RTKN2: variants seen among roughly 807,000 people sequenced by gnomAD.
RTKN2 encodes the protein rhotekin-2.
Under a neutral mutation model 71.5 loss-of-function variants are expected in RTKN2, and 69 were observed. The ratio of observed to expected loss-of-function variants is 0.96; its 90% confidence interval spans 0.79 to 1.18. The LOEUF is 1.18. Among genes scored for constraint, RTKN2 ranks in the 50% most tolerant of loss-of-function variants. The pLI is 0.00. For synonymous variants in RTKN2, 236 were observed against 236.5 expected (o/e 1.00, Z 0.02); for missense variants, 724 against 719.7 (o/e 1.01, Z -0.07).
At chr10:62,246,327 G>A (rs937056505) in intron 2 of RTKN2, among the ~76,000 whole-genome samples, 1 of 151,916 alleles carries the variant, frequency 6.6e-6, no homozygotes, top group Non-Finnish European at 1.5e-5. Flanking sequence ...AAAGACTTTT[G>A]TGATCATTTA....
chr10:62,185,413 C>T (rs966873983), intron 8 of RTKN2, among the ~76,000 whole-genome samples: 1 of 152,030 alleles, frequency 6.6e-6, no homozygotes, highest in East Asian at 1.9e-4. Flanking sequence ...GTCAGGAGTT[C>T]GAGACCAGCC....
intron 1 of RTKN2, among the ~76,000 whole-genome samples, chr10:62,263,349 TG>T (rs1842810823): frequency 1.3e-5 from 2 of 152,254 alleles, no homozygotes. Flanking sequence ...AATCAGAAGC[TG>T]GAAAAGGCAA....
At chr10:62,192,221 T>G (rs1841234385), downstream of RTKN2, among the ~76,000 whole-genome samples, 1 of 152,104 alleles carries the variant, frequency 6.6e-6, no homozygotes, top group Non-Finnish European at 1.5e-5. Context: ...CACTCTTGTG[T>G]GTGTTAAGGG....
intron 2 of RTKN2, among the ~76,000 whole-genome samples, chr10:62,249,385 G>T (rs1249066116): frequency 6.6e-6 from 1 of 151,450 alleles, no homozygotes; most frequent in Non-Finnish European, 1.5e-5. Flanking sequence ...GCGGGGTTGG[G>T]GGGTGGTGGG....
intron 2 of RTKN2, 32 bp from the exon 3 acceptor site, chr10:62,246,089 A>T (rs765965258): frequency 4.4e-6 from 6 of 1,367,840 alleles, no homozygotes; most frequent in East Asian, 4.6e-5. Context: ...TGGAAAAAAG[A>T]TCTTTTCTAA....
In RTKN2 at chr10:62,268,758, GAA is replaced by G; in HGVS notation, c.-150_-149del. 1.3e-6 allele frequency: 1 copy of G among 787,168 alleles called. No individual in the cohort carries two copies. The highest frequency in any genetic ancestry group is 2.0e-6 in the Non-Finnish European group (1 of 505,200). 48.8% of individuals were successfully genotyped at this position (787,168 alleles called of 1,614,324 possible). A position where few individuals can be genotyped will look rare whatever the true frequency, so the allele number is the denominator to read the frequency against. ...CCGGGGGCGCAGGAGGAGCCGGGCC[GAA>G]GCGCACGCGCAGTGGGCGCGCCTTG... is the stretch of plus-strand genomic sequence containing the variant. On this transcript the variant is annotated 5_prime_UTR_variant, in exon 1 of 12. Transcript: ENST00000373789.
At chr10:62,258,087 C>T (rs529335621) in intron 2 of RTKN2, among the ~76,000 whole-genome samples, 1 of 152,258 alleles carries the variant, frequency 6.6e-6, no homozygotes, top group Non-Finnish European at 1.5e-5. Context: ...TGCCAATATT[C>T]TCAGGATTGT....
chr10:62,253,065 C>T (rs1842611561), intron 2 of RTKN2, among the ~76,000 whole-genome samples: 2 of 151,928 alleles, frequency 1.3e-5, no homozygotes, highest in Admixed American at 6.6e-5. Context: ...AAAGGATTTC[C>T]AGATTGGCTT....
At chr10:62,268,491 C>T in intron 1 of RTKN2, 60 bp downstream of exon 1, 2 of 1,468,974 alleles carry the variant, frequency 1.4e-6, no homozygotes, top group Non-Finnish European at 1.9e-6. Flanking sequence ...AAAGCAAATG[C>T]GCGAGGAACA....
At chr10:62,249,675 G>T (rs573301158) in intron 2 of RTKN2, among the ~76,000 whole-genome samples, 2 of 152,228 alleles carry the variant, frequency 1.3e-5, no homozygotes, top group Non-Finnish European at 2.9e-5. Flanking sequence ...TACATAAGTG[G>T]GTTGCTATTA....
chr10:62,253,424 A>G (rs749513151), intron 2 of RTKN2, among the ~76,000 whole-genome samples: 10 of 152,150 alleles, frequency 6.6e-5, no homozygotes, highest in Non-Finnish European at 1.3e-4. Context: ...TCAGTACAAG[A>G]CAGTTCAATG....
intron 7 of RTKN2, among the ~76,000 whole-genome samples, chr10:62,222,923 A>G (rs745553482): frequency 2.6e-5 from 4 of 152,186 alleles, no homozygotes; most frequent in Non-Finnish European, 5.9e-5. Context: ...GGCTTCCTTG[A>G]TTTCAAATTT....
At chr10:62,202,998 T>TA (rs1282433477) in intron 10 of RTKN2, among the ~76,000 whole-genome samples, 1 of 151,998 alleles carries the variant, frequency 6.6e-6, no homozygotes, top group African/African-American at 2.4e-5. Flanking sequence ...CCGTCTCTAC[T>TA]AAAAATACAA....
chr10:62,268,540 C>A lies in RTKN2; in HGVS notation c.60+11G>T, dbSNP rs549777972. On this transcript the variant is annotated intron_variant, in intron 1 of 11. Transcript: ENST00000373789. ...CTCACCTTCCGCGGCAGGGTCCCTC[C>A]CGCAACTCACCTGCTGGGTGGGAAG... 34 of 1,553,396 alleles carry A rather than the reference C, an allele frequency of 2.2e-5. No homozygotes were observed. In the East Asian group the frequency reaches 7.7e-4, roughly 35 times the overall value.
At position 62,268,553 on chromosome 10, in the gene RTKN2, G is replaced by T. The variant is rs866851821; in HGVS notation, c.58C>A (p.Gln20Lys). ...GCAGGGTCCCTCCCGCAACTCACCT[G>T]CTGGGTGGGAAGCCCCGCCAGGCGG... ...ALRLAGLPTQ[Q>K]DCNIQEKIDL... The change falls in exon 1 of 12, where the codon CAG (glutamine) becomes AAG (lysine). Residue 20 changes from glutamine (Q) to lysine (K), a missense_variant and splice_region_variant. Coordinates refer to ENST00000373789, the MANE Select transcript of RTKN2 (RefSeq NM_145307.4). 6 of 1,557,982 alleles carry T rather than the reference G, an allele frequency of 3.9e-6. No homozygotes were observed. Among genetic ancestry groups the T allele is most frequent in the Non-Finnish European group, 5.2e-6 (6 of 1,150,632 alleles).
intron 6 of RTKN2, among the ~76,000 whole-genome samples, chr10:62,226,731 C>G (rs1842031439): frequency 6.6e-6 from 1 of 152,184 alleles, no homozygotes; most frequent in Non-Finnish European, 1.5e-5. Flanking sequence ...TCACAATAAG[C>G]TCTTATTTTT....
rs1842473960 is a variant in RTKN2, at chr10:62,246,074, A to C, written c.258-17T>G. ...TTCACATCACTGTCAAAACAAAAAA[A>C]CTTATGGAAAAAAGATCTTTTCTAA... is the stretch of plus-strand genomic sequence containing the variant. On this transcript the variant is annotated splice_polypyrimidine_tract_variant and intron_variant, in intron 2 of 11. Coordinates refer to ENST00000373789, the MANE Select transcript of RTKN2 (RefSeq NM_145307.4). The C allele has an allele frequency of 2.0e-6, 3 of 1,531,868 alleles. No homozygotes were observed. The highest frequency in any genetic ancestry group is 4.5e-5 in the East Asian group (2 of 44,172). 94.9% of individuals were successfully genotyped at this position (1,531,868 alleles called of 1,614,324 possible). A position where few individuals can be genotyped will look rare whatever the true frequency, so the allele number is the denominator to read the frequency against.
chr10:62,239,579 TAAG>T (rs1842328268), intron 5 of RTKN2, 66 bp downstream of exon 5: 3 of 677,400 alleles, frequency 4.4e-6, no homozygotes, highest in Non-Finnish European at 7.4e-6. Context: ...GAACCAATAA[TAAG>T]AACTTTCTTT....
At chr10:62,229,369 A>G (rs1294032478) in intron 6 of RTKN2, among the ~76,000 whole-genome samples, 2 of 152,170 alleles carry the variant, frequency 1.3e-5, no homozygotes, top group Admixed American at 6.5e-5. Flanking sequence ...GGTTGAATTG[A>G]AAGAGGACAA....
Sources: gnomAD v4.1 joint callset for allele counts (sites outside exome capture counted in the v4.1 genomes callset) on GRCh38, gnomAD v4.1.1 for gene constraint, MANE v1.5 for transcripts, NCBI Gene and HGNC (gene_info 2026-07-23, HGNC 2026-07-21) for gene names.